Variants in SNRPB observed in about 807,000 individuals in gnomAD.
SNRPB encodes small nuclear ribonucleoprotein-associated proteins B and B'.
SNRPB carries 5 observed loss-of-function variants against 26.6 expected under a neutral mutation model. That is an observed-to-expected ratio of 0.19 (90% CI 0.10 to 0.39). The LOEUF (loss-of-function observed/expected upper bound fraction) is 0.39. Ranked by LOEUF, SNRPB falls within the 10% of genes least tolerant of loss-of-function variation. The probability of loss-of-function intolerance (pLI) is 1.00; values close to 1 mark genes in which losing one functional copy is unlikely to be tolerated. For synonymous variants in SNRPB, 122 were observed against 105.8 expected, an observed-to-expected ratio of 1.15 and a Z score of -0.94; for missense variants, 211 against 311.9, an observed-to-expected ratio of 0.68 and a Z score of 2.44.
In SNRPB at chr20:2,462,648, G is replaced by A; in HGVS notation, c.673C>T (p.Pro225Ser). Residue 225 changes from proline (P) to serine (S), a missense_variant, in exon 6 of 7, where the codon CCT (proline) becomes TCT (serine). By Grantham distance (74) the Pro-to-Ser change is moderately conservative. Coordinates refer to ENST00000381342, the MANE Select transcript of SNRPB (RefSeq NM_003091.4). The stretch of plus-strand genomic sequence containing the variant: ...TGCAGGCACTTACCTCGCATCCCAG[G>A]GGGAGGAGGCCGCATTCCCGGAGGG... ...MPPPGMRPPP[P>S]GMRGLL 6.2e-7 allele frequency: 1 copy of A among 1,613,146 alleles called. No homozygotes were observed. Among genetic ancestry groups the A allele is most frequent in the Non-Finnish European group, 8.5e-7 (1 of 1,179,210 alleles).
At position 2,465,412 on chromosome 20, in the gene SNRPB, T is replaced by C. The variant is rs1459716282; in HGVS notation, c.267+296A>G. Among the ~76,000 whole-genome samples, 4 of 151,678 alleles carry C rather than the reference T, an allele frequency of 2.6e-5. No homozygotes were observed. In the East Asian group the frequency reaches 7.8e-4, roughly 29 times the overall value. ...CCTCTTTTTTTTTTTTTTGTCTTTT[T>C]TTTTTTCTTCCTTTTTCTGGAGAAT... On this transcript the variant is annotated intron_variant, in intron 3 of 6. Transcript: ENST00000381342.
At position 2,462,703 on chromosome 20, in the gene SNRPB, G is replaced by A; in HGVS notation, c.618C>T (p.Pro206=). The change falls in exon 6 of 7, where the codon CCC becomes CCT. Residue 206 remains proline (P), a synonymous_variant. Transcript: ENST00000381342. The stretch of plus-strand genomic sequence containing the variant: ...TGCCCATTGGAGTCCCTCTTCCAGG[G>A]GGGATCCCCATTGGGGGACCCATAG... The part of the protein sequence containing the change: ...RPPMGPPMGI[P]PGRGTPMGMP... 2.5e-6 allele frequency: 4 copies of A among 1,598,606 alleles called. No homozygotes were observed. The highest frequency in any genetic ancestry group is 3.4e-6 in the Non-Finnish European group (4 of 1,168,318).
Position 2,465,632 on chromosome 20 carries a change from T to C in SNRPB, c.267+76A>G. ...CAGAGGATGCCTGTGAGAACTGCAA[T>C]GAAACAGAATCTAACACAGAGCCTG... On this transcript the variant is annotated intron_variant, in intron 3 of 6. Coordinates refer to ENST00000381342, the MANE Select transcript of SNRPB (RefSeq NM_003091.4). 3 of 989,862 alleles carry C rather than the reference T, an allele frequency of 3.0e-6. No individual in the cohort carries two copies. The South Asian group carries it at 4.2e-5, about 14-fold the overall frequency. 61.3% of individuals were successfully genotyped at this position (989,862 alleles called of 1,614,324 possible).
chr20:2,462,090 G>T, intron 6 of SNRPB, 151 bp from the exon 7 acceptor site: 1 of 609,928 alleles, frequency 1.6e-6, no homozygotes, highest in Non-Finnish European at 3.0e-6. Context: ...GGCTGACTGG[G>T]TTCCTATGTC....
chr20:2,465,669 G>A (rs749086683), intron 3 of SNRPB, 39 bp downstream of exon 3: 6 of 1,354,686 alleles, frequency 4.4e-6, no homozygotes, highest in Non-Finnish European at 6.4e-6. Context: ...CTCACAGTAG[G>A]GCCTCCCCTC....
In SNRPB at chr20:2,463,099, T is replaced by C. The variant is rs773019859; in HGVS notation, c.549A>G (p.Ala183=). 5 of 1,568,070 alleles carry C rather than the reference T, an allele frequency of 3.2e-6. No individual in the cohort carries two copies. In the African/African-American group the frequency reaches 6.8e-5, roughly 21 times the overall value. ...TTATGGGCTCCTCACCTGGAGGGGG[T>C]GCTCCTCGGCCCATAGGTGGGGGAG... is the stretch of plus-strand genomic sequence containing the variant. ...GGPPPPMGRG[A]PPPGMMGPPP... is the part of the protein sequence containing the mutation. Residue 183 remains alanine, a synonymous_variant, in exon 5 of 7, where the codon GCA becomes GCG. Coordinates refer to ENST00000381342, the MANE Select transcript of SNRPB (RefSeq NM_003091.4). The surrounding 1 kb of genome is among the most constrained non-coding windows in gnomAD (Gnocchi z 5.0).
chr20:2,461,698 A>C lies in SNRPB; in HGVS notation c.*231T>G. On this transcript the variant is annotated 3_prime_UTR_variant, in exon 7 of 7. Coordinates refer to ENST00000381342, the MANE Select transcript of SNRPB (RefSeq NM_003091.4). ...GTTTCATAGGCCACAAGGAGATAAA[A>C]GGACTATGTACAGCCTTACGGGAAA... is the stretch of plus-strand genomic sequence containing the variant. The C allele has an allele frequency of 8.1e-7, 1 of 1,227,474 alleles. No individual in the cohort carries two copies. The highest frequency in any genetic ancestry group is 1.1e-6 in the Non-Finnish European group (1 of 877,554). 76.0% of individuals were successfully genotyped at this position (1,227,474 alleles called of 1,614,324 possible). A position where few individuals can be genotyped will look rare whatever the true frequency, so the allele number is the denominator to read the frequency against.
Position 2,470,787 on chromosome 20 carries a change from T to G in SNRPB, c.-97A>C. ...GATTTCCCGCCGCCGCTACCGGAAA[T>G]GCAGCACCACGTAAAATGCGGTCGG... On this transcript the variant is annotated 5_prime_UTR_variant, in exon 1 of 7. Coordinates refer to ENST00000381342, the MANE Select transcript of SNRPB (RefSeq NM_003091.4). 1.4e-6 allele frequency: 2 copies of G among 1,467,880 alleles called. No individual in the cohort carries two copies. Among genetic ancestry groups the G allele is most frequent in the African/African-American group, 1.4e-5 (1 of 72,250 alleles). The allele number at this position is 1,467,880 out of a possible 1,614,324, so 90.9% of individuals were successfully genotyped here.
At position 2,465,784 on chromosome 20, in the gene SNRPB, T is replaced by C. The variant is rs1204523610; in HGVS notation, c.191A>G (p.Lys64Arg). The C allele has an allele frequency of 1.9e-6, 3 of 1,613,590 alleles. No individual in the cohort carries two copies. Among genetic ancestry groups the C allele is most frequent in the Non-Finnish European group, 2.5e-6 (3 of 1,179,966 alleles). Residue 64 changes from lysine to arginine, a missense_variant, in exon 3 of 7, where the codon AAG becomes AGG. Lys to Arg is a conservative substitution (Grantham distance 26). Coordinates refer to ENST00000381342, the MANE Select transcript of SNRPB (RefSeq NM_003091.4). ...KNSKQAEREE[K>R]RVLGLVLLRG... ...CAGCAGCACCAGACCGAGGACTCGC[T>C]TCTCTTCCCTTTCTGCTTGTTTGGA...
At chr20:2,465,845 A>G in intron 2 of SNRPB, 26 bp from the exon 3 acceptor site, 1 of 1,589,254 alleles carries the variant, frequency 6.3e-7, no homozygotes, top group South Asian at 1.1e-5. Context: ...GAAGGAACAA[A>G]AAAAGTGTTA....
chr20:2,465,864 T>C, intron 2 of SNRPB, 45 bp from the exon 3 acceptor site: 2 of 1,465,402 alleles, frequency 1.4e-6, no homozygotes, highest in Non-Finnish European at 1.9e-6. Context: ...TAGAGGTGGG[T>C]AAAGTTCACC....
Position 2,465,709 on chromosome 20 carries a change from T to A in SNRPB, c.266A>T (p.Asp89Val). Residue 89 changes from aspartate (D) to valine (V), a missense_variant and splice_region_variant, in exon 3 of 7, where the codon GAT becomes GTT. Physicochemically the swap from Asp to Val is radical, Grantham distance 152. Coordinates refer to ENST00000381342, the MANE Select transcript of SNRPB (RefSeq NM_003091.4). ...SMTVEGPPPK[D>V]TGIARVPLAG... ...ACAAGGCTTCCTGCTCTGACTTACA[T>A]CTTTGGGAGGAGGTCCCTCTACTGT... The A allele has an allele frequency of 6.2e-7, 1 of 1,605,262 alleles. No individual in the cohort carries two copies. The highest frequency in any genetic ancestry group is 8.5e-7 in the Non-Finnish European group (1 of 1,172,068).
Position 2,462,751 on chromosome 20 carries a change from G to A in SNRPB, c.570C>T (p.Gly190=). Residue 190 remains glycine (G), a synonymous_variant, in exon 6 of 7, where the codon GGC becomes GGT. Coordinates refer to ENST00000381342, the MANE Select transcript of SNRPB (RefSeq NM_003091.4). ...GRGAPPPGMM[G]PPPGMRPPMG... ...TAGGAGGTCTCATACCAGGAGGTGG[G>A]CCCATCATGCCTGCAAGAGAAAAGC... The A allele has an allele frequency of 2.0e-6, 3 of 1,536,638 alleles. No individual in the cohort carries two copies. Among genetic ancestry groups the A allele is most frequent in the Middle Eastern group, 1.8e-4 (1 of 5,674 alleles).
chr20:2,464,304 T>C (rs1191097284), intron 3 of SNRPB, among the ~76,000 whole-genome samples: 2 of 152,220 alleles, frequency 1.3e-5, no homozygotes, highest in African/African-American at 4.8e-5. Context: ...AGTTGCCTTA[T>C]CTGCAAATGA....
intron 1 of SNRPB, among the ~76,000 whole-genome samples, chr20:2,468,557 G>C (rs961844594): frequency 2.6e-5 from 4 of 152,168 alleles, no homozygotes; most frequent in Non-Finnish European, 5.9e-5. Context: ...CCCACCAAGT[G>C]CCTTCTATGG....
At position 2,461,935 on chromosome 20, in the gene SNRPB, A is replaced by G. The variant is rs1202052676; in HGVS notation, c.690T>C (p.Leu230=). ...CATACTCTGTGGCCAAGGGTCAAAG[A>G]AGGCCTGAAGTAAGAGTAAGAAGTT... ...MRPPPPGMRG[L]L Residue 230 remains leucine (L), a synonymous_variant, in exon 7 of 7, where the codon CTT becomes CTC. Transcript: ENST00000381342. 1.2e-6 allele frequency: 2 copies of G among 1,611,340 alleles called. No homozygotes were observed. Among genetic ancestry groups the G allele is most frequent in the Non-Finnish European group, 8.5e-7 (1 of 1,179,082 alleles).
intron 1 of SNRPB, 128 bp downstream of exon 1, chr20:2,470,560 A>C (rs1395929910): frequency 8.9e-7 from 1 of 1,129,914 alleles, no homozygotes; most frequent in East Asian, 2.5e-5. Flanking sequence ...GCCCAGACCG[A>C]GCGGCCTCGG....
chr20:2,466,130 AG>A (rs1246835317), intron 2 of SNRPB, among the ~76,000 whole-genome samples: 1 of 152,180 alleles, frequency 6.6e-6, no homozygotes, highest in African/African-American at 2.4e-5. Flanking sequence ...CTTCTTTCTT[AG>A]GACCCTATTC....
chr20:2,467,550 C>G, intron 2 of SNRPB, 57 bp downstream of exon 2: 1 of 1,545,318 alleles, frequency 6.5e-7, no homozygotes, highest in Non-Finnish European at 8.9e-7. Flanking sequence ...TTGCTTGGCC[C>G]ACCCACTCAA....
Sources: gnomAD v4.1 joint callset for allele counts (sites outside exome capture counted in the v4.1 genomes callset) on GRCh38, gnomAD v4.1.1 for gene constraint, Gnocchi (gnomAD v3.1) non-coding constraint, MANE v1.5 for transcripts, NCBI Gene and HGNC (gene_info 2026-07-23, HGNC 2026-07-21) for gene names.